ZFYVE9: variants seen among roughly 807,000 people sequenced by gnomAD.
The protein encoded by ZFYVE9 is zinc finger FYVE domain-containing protein 9.
Under a neutral mutation model 126.7 loss-of-function variants are expected in ZFYVE9, and 43 were observed. The ratio of observed to expected loss-of-function variants is 0.34; its 90% CI spans 0.27 to 0.44. The LOEUF is 0.44. Among genes scored for constraint, ZFYVE9 ranks in the 20% least tolerant of loss-of-function variants. The pLI is 1.00. For synonymous variants in ZFYVE9, 521 were observed against 597.4 expected (o/e 0.87, Z 1.87); for missense variants, 1,476 against 1,697.0 (o/e 0.87, Z 2.29).
intron 4 of ZFYVE9, among the ~76,000 whole-genome samples, chr1:52,263,064 G>C (rs937308624): frequency 7.5e-6 from 1 of 133,994 alleles, no homozygotes; most frequent in African/African-American, 3.0e-5. Flanking sequence ...GGGCCACAGA[G>C]TCAAATTGTG....
chr1:52,207,261 T>C (rs1644986838), intron 1 of ZFYVE9, among the ~76,000 whole-genome samples: 3 of 152,244 alleles, frequency 2.0e-5, no homozygotes, highest in Admixed American at 2.0e-4. Context: ...CTTCTTTTAG[T>C]CCCAATCGCA....
At chr1:52,317,458 G>A (rs1646196517) in intron 13 of ZFYVE9, among the ~76,000 whole-genome samples, 1 of 148,200 alleles carries the variant, frequency 6.7e-6, no homozygotes, top group Non-Finnish European at 1.5e-5. Context: ...CTCCAGCCTG[G>A]GTGACAGAGC....
intron 1 of ZFYVE9, among the ~76,000 whole-genome samples, chr1:52,181,047 C>CCT (rs895971162): frequency 6.6e-6 from 1 of 150,898 alleles, no homozygotes; most frequent in Non-Finnish European, 1.5e-5. Context: ...GGAACTCGTC[C>CCT]CTCTCCCTCT....
At chr1:52,219,074 G>T (rs1645098963) in intron 2 of ZFYVE9, among the ~76,000 whole-genome samples, 1 of 152,034 alleles carries the variant, frequency 6.6e-6, no homozygotes, top group African/African-American at 2.4e-5. Flanking sequence ...TCGTGGTCCA[G>T]ATAATATCTC....
chr1:52,298,853 A>G (rs1166730243), intron 12 of ZFYVE9, among the ~76,000 whole-genome samples: 1 of 122,606 alleles, frequency 8.2e-6, no homozygotes, highest in Admixed American at 1.0e-4. Flanking sequence ...TCTGTTACCC[A>G]GGCTGGAGTG....
intron 2 of ZFYVE9, among the ~76,000 whole-genome samples, chr1:52,229,275 C>T (rs187119529): frequency 6.6e-6 from 1 of 152,238 alleles, no homozygotes; most frequent in East Asian, 1.9e-4. Context: ...GGCAAGAATA[C>T]TGTATAGGTG....
chr1:52,294,646 T>A (rs1645956008), intron 11 of ZFYVE9, among the ~76,000 whole-genome samples: 1 of 152,170 alleles, frequency 6.6e-6, no homozygotes, highest in Admixed American at 6.5e-5. Flanking sequence ...CATTGGGAGC[T>A]CCAAGACAGG....
chr1:52,346,014 C>A (rs1250120658), intron 18 of ZFYVE9, 46 bp from the exon 19 acceptor site: 2 of 1,511,276 alleles, frequency 1.3e-6, no homozygotes, highest in Non-Finnish European at 1.8e-6. Flanking sequence ...CCTGGAGAGG[C>A]CTTCTCTGTT....
chr1:52,176,054 TGGA>T lies in ZFYVE9; in HGVS notation c.-143+33659_-143+33661del, dbSNP rs1256259004. Among the ~76,000 whole-genome samples the T allele has an allele frequency of 2.6e-5, 4 of 152,362 alleles. No homozygotes were observed. In the East Asian group the frequency reaches 5.8e-4, roughly 22 times the overall value. Reference sequence around the variant, plus strand: ...TTGCTGGTGAGGAACTGCGTTCCTTTGGAGGAGGAGAGACACGCTGCTTTTTAG... The same window carrying T: ...TTGCTGGTGAGGAACTGCGTTCCTTTGGAGGAGAGACACGCTGCTTTTTAG... On this transcript the variant is annotated intron_variant, in intron 1 of 18. Coordinates refer to ENST00000287727, the MANE Select transcript of ZFYVE9 (RefSeq NM_004799.4).
At chr1:52,181,844 C>G (rs1017795162) in intron 1 of ZFYVE9, among the ~76,000 whole-genome samples, 5 of 150,168 alleles carry the variant, frequency 3.3e-5, no homozygotes, top group African/African-American at 1.2e-4. Context: ...CCCCTCCGCC[C>G]TGCAGCCGCC....
Position 52,239,556 on chromosome 1 carries a change from A to C in ZFYVE9, c.2139A>C (p.Thr713=). ...PNCMKCEARF[T]FTKRRHHCRA... is the part of the protein sequence containing the mutation. ...GCATGAAATGTGAAGCCAGGTTTAC[A>C]TTCACCAAAAGGAGGCATCACTGCA... The change falls in exon 4 of 19, where the codon ACA becomes ACC. Residue 713 remains threonine (T), a synonymous_variant. Transcript: ENST00000287727. 6.2e-7 allele frequency: 1 copy of C among 1,614,036 alleles called. No homozygotes were observed. Among genetic ancestry groups the C allele is most frequent in the Non-Finnish European group, 8.5e-7 (1 of 1,179,936 alleles).
chr1:52,201,374 A>ATTTTTTTTTTTTTTTTTTTTTTTTTT (rs11344134), intron 1 of ZFYVE9, among the ~76,000 whole-genome samples: 1 of 91,274 alleles, frequency 1.1e-5, no homozygotes, highest in Non-Finnish European at 2.3e-5. Context: ...GTTTTTGGTA[A>ATTTTTTTTTTTTTTTTTTTTTTTTTT]TTTTTTTTTT....
chr1:52,144,887 GATAA>G (rs1220946889), intron 1 of ZFYVE9, among the ~76,000 whole-genome samples: 2 of 152,094 alleles, frequency 1.3e-5, no homozygotes, highest in African/African-American at 4.8e-5. Context: ...AGGCTTTTAG[GATAA>G]ATAAATCTGA....
Position 52,340,130 on chromosome 1 carries a change from G to T in ZFYVE9, c.3838G>T (p.Val1280Leu). 1 of 1,612,044 alleles carries T rather than the reference G, an allele frequency of 6.2e-7. No individual in the cohort carries two copies. The highest frequency in any genetic ancestry group is 1.3e-5 in the African/African-American group (1 of 74,976). The change falls in exon 17 of 19, where the codon GTA becomes TTA. Residue 1280 changes from valine (V) to leucine (L), a missense_variant. Val to Leu is a conservative substitution (Grantham distance 32). This residue lies in a region of ZFYVE9 where 669 missense variants were observed against 902.4 expected (regional missense o/e 0.74). Transcript: ENST00000287727. ...TTTCCTTTGCCTCTATTTTAGTGTC[G>T]TAAGTCCTATAGATGGGAAGTCCAT... ...DDDKNVSKGV[V>L]SPIDGKSMET...
intron 11 of ZFYVE9, among the ~76,000 whole-genome samples, chr1:52,293,959 T>A (rs1378715909): frequency 6.6e-6 from 1 of 152,220 alleles, no homozygotes; most frequent in African/African-American, 2.4e-5. Context: ...GTAACTTTAT[T>A]TTTTATAGTT....
intron 8 of ZFYVE9, among the ~76,000 whole-genome samples, chr1:52,276,839 T>C (rs1432261673): frequency 1.3e-5 from 2 of 152,250 alleles, no homozygotes; most frequent in African/African-American, 4.8e-5. Flanking sequence ...TTAGATATTA[T>C]ATTTTCAGAT....
intron 1 of ZFYVE9, among the ~76,000 whole-genome samples, chr1:52,192,774 G>A (rs1021154093): frequency 6.6e-6 from 1 of 152,130 alleles, no homozygotes; most frequent in African/African-American, 2.4e-5. Flanking sequence ...GGAGGTCATC[G>A]AATGGGAAAT....
chr1:52,183,864 T>C (rs1201097605), intron 1 of ZFYVE9, among the ~76,000 whole-genome samples: 1 of 150,774 alleles, frequency 6.6e-6, no homozygotes, highest in Non-Finnish European at 1.5e-5. Context: ...CTTTCTTTTT[T>C]TTTTTTTTGA....
chr1:52,220,090 T>C (rs1420472984), intron 2 of ZFYVE9, among the ~76,000 whole-genome samples: 1 of 152,176 alleles, frequency 6.6e-6, no homozygotes, highest in Non-Finnish European at 1.5e-5. Flanking sequence ...CAAGATCTTT[T>C]TGAGGGGCAG....
Sources: gnomAD v4.1 joint callset for allele counts (sites outside exome capture counted in the v4.1 genomes callset) on GRCh38, gnomAD v4.1.1 for gene constraint, gnomAD v4.1.1 regional missense constraint, MANE v1.5 for transcripts, NCBI Gene and HGNC (gene_info 2026-07-23, HGNC 2026-07-21) for gene names.